NDC80: variants seen among roughly 807,000 people sequenced by gnomAD.
NDC80 encodes kinetochore protein NDC80 homolog.
In NDC80, 69 loss-of-function variants were observed where a neutral mutation model predicts 89.3. The ratio of observed to expected loss-of-function variants is 0.77; its 90% CI spans 0.64 to 0.94. The LOEUF (loss-of-function observed/expected upper bound fraction) is 0.94, where lower values mean the gene tolerates loss of function less well. NDC80 is among the 40% of genes least tolerant of loss of function. NDC80 has a pLI of 0.00. For synonymous variants in NDC80, 243 were observed against 255.6 expected (o/e 0.95, Z 0.47); for missense variants, 593 against 739.6 (o/e 0.80, Z 2.30).
At chr18:2,606,357 T>A in intron 13 of NDC80, 58 bp from the exon 14 acceptor site, 1 of 1,169,934 alleles carries the variant, frequency 8.5e-7, no homozygotes, top group South Asian at 1.5e-5. Flanking sequence ...CTCTATAACT[T>A]GTTAAAATAT....
chr18:2,599,710 GA>G (rs1304040507), intron 12 of NDC80, among the ~76,000 whole-genome samples: 1 of 152,116 alleles, frequency 6.6e-6, no homozygotes, highest in Non-Finnish European at 1.5e-5. Context: ...GTAATTTTGG[GA>G]AGAAAATTTT....
Position 2,598,629 on chromosome 18 carries a change from G to A in NDC80, c.1222-390G>A, listed in dbSNP as rs1352220558. Among the ~76,000 whole-genome samples, 3 of 152,010 alleles carry A rather than the reference G, an allele frequency of 2.0e-5. No individual in the cohort carries two copies. The East Asian group carries it at 5.8e-4, about 29-fold the overall frequency. Reference sequence around the variant, plus strand: ...TAAATGATTATATTCTACTTATTTTGGATACATGAAATGTTTTAATTTGTA... The same window carrying A: ...TAAATGATTATATTCTACTTATTTTAGATACATGAAATGTTTTAATTTGTA... On this transcript the variant is annotated intron_variant, in intron 11 of 16. Coordinates refer to ENST00000261597, the MANE Select transcript of NDC80 (RefSeq NM_006101.3).
Position 2,599,126 on chromosome 18 carries a change from C to G in NDC80, c.1329C>G (p.Pro443=), listed in dbSNP as rs749305417. 1 of 1,613,160 alleles carries G rather than the reference C, an allele frequency of 6.2e-7. No individual in the cohort carries two copies. The highest frequency in any genetic ancestry group is 8.5e-7 in the Non-Finnish European group (1 of 1,179,556). ...KGYDFEIKFN[P]EAGANCLVKY... is the part of the protein sequence containing the mutation. ...ATGACTTTGAAATTAAGTTTAATCC[C>G]GAGGCTGGTGCCAACTGCCTTGTCA... Residue 443 remains proline, a synonymous_variant, in exon 12 of 17, where the codon CCC becomes CCG. Coordinates refer to ENST00000261597, the MANE Select transcript of NDC80 (RefSeq NM_006101.3).
At chr18:2,586,729 CAA>C (rs66713799) in intron 7 of NDC80, among the ~76,000 whole-genome samples, 1 of 151,346 alleles carries the variant, frequency 6.6e-6, no homozygotes, top group Non-Finnish European at 1.5e-5. Context: ...GACCCTGTCT[CAA>C]AAAAAAAAGT....
At chr18:2,603,356 CATATATAT>C (rs60997707) in intron 13 of NDC80, among the ~76,000 whole-genome samples, 9,292 of 120,824 alleles carry the variant, frequency 0.077, 815 homozygotes, top group African/African-American at 0.18. Flanking sequence ...TATGTTTATA[CATATATAT>C]ATATATATAT....
chr18:2,599,708 G>A (rs1288162382), intron 12 of NDC80, among the ~76,000 whole-genome samples: 1 of 152,030 alleles, frequency 6.6e-6, no homozygotes, highest in Non-Finnish European at 1.5e-5. Context: ...AAGTAATTTT[G>A]GGAAGAAAAT....
chr18:2,586,589 G>A (rs1400887792), intron 7 of NDC80, among the ~76,000 whole-genome samples: 1 of 152,106 alleles, frequency 6.6e-6, no homozygotes, highest in Non-Finnish European at 1.5e-5. Flanking sequence ...AATTAGCTGG[G>A]TGTGGTGGTG....
chr18:2,609,299 A>G (rs1315514117), intron 15 of NDC80, among the ~76,000 whole-genome samples: 2 of 152,186 alleles, frequency 1.3e-5, no homozygotes, highest in Non-Finnish European at 1.5e-5. Context: ...AATAGTTACC[A>G]TGCTGTGCAA....
intron 10 of NDC80, among the ~76,000 whole-genome samples, chr18:2,592,033 C>T (rs1410396906): frequency 5.3e-5 from 8 of 152,114 alleles, no homozygotes; most frequent in Admixed American, 6.5e-5. Context: ...GGATTGCAGG[C>T]GTGAGCCACA....
chr18:2,578,270 T>A, intron 5 of NDC80, 129 bp downstream of exon 5: 2 of 841,708 alleles, frequency 2.4e-6, no homozygotes, highest in Non-Finnish European at 3.6e-6. Context: ...GCAATATATG[T>A]AGGATAAATT....
rs186573894 is a variant in NDC80, at chr18:2,614,439, A to G, written c.1792-1998A>G. The G allele has an allele frequency of 8.1e-3, 201 of 24,708 alleles. 25 individuals are homozygous for G. The highest frequency in any genetic ancestry group is 0.053 in the African/African-American group (168 of 3,172). The allele number at this position is 24,708 out of a possible 1,614,324, so 1.5% of individuals were successfully genotyped here. On this transcript the variant is annotated intron_variant, in intron 16 of 16. Transcript: ENST00000261597. ...CTACAGAGCAAGATGCTGTCTCAAA[A>G]AAAGAAAGAAAGAAAGAAAGAAAGA... is the stretch of plus-strand genomic sequence containing the variant.
At chr18:2,610,141 T>G (rs1466473834) in intron 15 of NDC80, among the ~76,000 whole-genome samples, 1 of 152,214 alleles carries the variant, frequency 6.6e-6, no homozygotes. Flanking sequence ...TAATTTTCTG[T>G]CTCTGTGTAT....
At chr18:2,575,382 C>A (rs1028871252) in intron 3 of NDC80, among the ~76,000 whole-genome samples, 1 of 152,164 alleles carries the variant, frequency 6.6e-6, no homozygotes, top group South Asian at 2.1e-4. Flanking sequence ...GTAATCCCAG[C>A]GCTTTGGGAG....
At chr18:2,585,943 GTTGT>G (rs1246859593) in intron 7 of NDC80, among the ~76,000 whole-genome samples, 4 of 152,056 alleles carry the variant, frequency 2.6e-5, no homozygotes, top group Admixed American at 1.3e-4. Flanking sequence ...ACGTGGATAG[GTTGT>G]TTATTTTGTT....
In NDC80 at chr18:2,589,346, C is replaced by T. The variant is rs529627891; in HGVS notation, c.870+36C>T. The T allele has an allele frequency of 2.2e-5, 31 of 1,427,128 alleles. No individual in the cohort carries two copies. In the South Asian group the frequency reaches 3.5e-4, roughly 16 times the overall value. The allele number at this position is 1,427,128 out of a possible 1,614,324, so 88.4% of individuals were successfully genotyped here. The stretch of plus-strand genomic sequence containing the variant: ...ATGTTTACACACTTACTTGAGAGCT[C>T]TTTTAGACTTTTGGGTGTCCTTGGA... On this transcript the variant is annotated intron_variant, in intron 9 of 16. Coordinates refer to ENST00000261597, the MANE Select transcript of NDC80 (RefSeq NM_006101.3).
rs1424581397 is a variant in NDC80 at position 2,577,614 on chromosome 18, A to G, written c.180-132A>G. ...TTTGCTCCTTTTCTCTGCTTTAAAT[A>G]AGAGAATTCTGTTTAGTTATAAGAA... On this transcript the variant is annotated intron_variant, in intron 3 of 16. Transcript: ENST00000261597. 1.3e-5 allele frequency: 12 copies of G among 958,812 alleles called. No homozygotes were observed. In the East Asian group the frequency reaches 2.9e-4, roughly 23 times the overall value. 59.4% of individuals were successfully genotyped at this position (958,812 alleles called of 1,614,324 possible).
chr18:2,604,614 G>A (rs1358758263), intron 13 of NDC80, among the ~76,000 whole-genome samples: 4 of 152,170 alleles, frequency 2.6e-5, no homozygotes, highest in Admixed American at 6.5e-5. Context: ...CCTGGAGGTG[G>A]AGGCTGCAGT....
chr18:2,581,472 C>A (rs2072577759), intron 6 of NDC80, among the ~76,000 whole-genome samples: 1 of 152,126 alleles, frequency 6.6e-6, no homozygotes, highest in Non-Finnish European at 1.5e-5. Context: ...ACCAGCCTGG[C>A]CAACATGACA....
At chr18:2,584,074 G>C (rs2072591677) in intron 6 of NDC80, among the ~76,000 whole-genome samples, 1 of 151,986 alleles carries the variant, frequency 6.6e-6, no homozygotes, top group South Asian at 2.1e-4. Context: ...GATCACCTGA[G>C]GTCAGGAGTT....
Sources: gnomAD v4.1 joint callset for allele counts (sites outside exome capture counted in the v4.1 genomes callset) on GRCh38, gnomAD v4.1.1 for gene constraint, MANE v1.5 for transcripts, NCBI Gene and HGNC (gene_info 2026-07-23, HGNC 2026-07-21) for gene names.